Variants in ALDH4A1 observed in about 807,000 individuals in gnomAD.
ALDH4A1 encodes delta-1-pyrroline-5-carboxylate dehydrogenase, mitochondrial.
Under a neutral mutation model 70.5 loss-of-function variants are expected in ALDH4A1, and 46 were observed. The ratio of observed to expected loss-of-function variants is 0.65; its 90% CI spans 0.51 to 0.83. The LOEUF (loss-of-function observed/expected upper bound fraction) is 0.83. Ranked by LOEUF, ALDH4A1 falls within the 40% of genes least tolerant of loss-of-function variation. The pLI, the probability that ALDH4A1 is intolerant of heterozygous loss-of-function variation, is 0.00. For synonymous variants in ALDH4A1, 323 were observed against 324.3 expected, an observed-to-expected ratio of 1.00 and a Z score of 0.04; for missense variants, 749 against 766.5, an observed-to-expected ratio of 0.98 and a Z score of 0.27.
Position 18,883,298 on chromosome 1 carries a change from G to A in ALDH4A1, c.584C>T (p.Thr195Met), listed in dbSNP as rs72936434. ...AGGTACCTCCAGACCCCGGTACACC[G>A]TGCTGTTGGTGCTCGGGGGCACGCT... is the stretch of plus-strand genomic sequence containing the variant. ...PISVPPSTNS[T>M]VYRGLEGFVA... The change falls in exon 6 of 15, where the codon ACG becomes ATG. Residue 195 changes from threonine (T) to methionine (M), a missense_variant. By Grantham distance (81) the Thr-to-Met change is moderately conservative. Transcript: ENST00000375341. 1.7e-3 allele frequency: 2,820 copies of A among 1,613,258 alleles called. 41 individuals are homozygous for A. In the African/African-American group the frequency reaches 0.032, roughly 18 times the overall value.
chr1:18,877,668 A>C (rs1343870647), intron 9 of ALDH4A1, 56 bp from the exon 10 acceptor site: 6 of 1,441,270 alleles, frequency 4.2e-6, no homozygotes, highest in Non-Finnish European at 5.8e-6. Flanking sequence ...CCGGTTGCCC[A>C]GGGGCCCAAA....
At chr1:18,897,061 G>A (rs769660042) in intron 1 of ALDH4A1, 13 of 534,248 alleles carry the variant, frequency 2.4e-5, no homozygotes, top group Middle Eastern at 3.2e-4. Flanking sequence ...TATGAGGAAC[G>A]CATGACAAGT....
chr1:18,879,877 G>C (rs144338359), intron 8 of ALDH4A1, among the ~76,000 whole-genome samples: 2 of 152,148 alleles, frequency 1.3e-5, no homozygotes, highest in African/African-American at 4.8e-5. Flanking sequence ...GGCCCCGCCC[G>C]AAGCCACCAC....
At chr1:18,875,714 C>T (rs28434041) in intron 12 of ALDH4A1, among the ~76,000 whole-genome samples, 11,125 of 152,250 alleles carry the variant, frequency 0.073, 887 homozygotes, top group African/African-American at 0.2. Context: ...CATCCCACCA[C>T]AAGCCGGCAA....
chr1:18,883,535 G>A (rs1935074900), intron 5 of ALDH4A1, 107 bp from the exon 6 acceptor site: 7 of 1,501,314 alleles, frequency 4.7e-6, no homozygotes, highest in Admixed American at 1.9e-5. Flanking sequence ...GGCCCCAGGA[G>A]GGACCAGGAA....
At chr1:18,894,166 C>T (rs567873762) in intron 1 of ALDH4A1, among the ~76,000 whole-genome samples, 4 of 152,286 alleles carry the variant, frequency 2.6e-5, no homozygotes, top group African/African-American at 7.2e-5. Flanking sequence ...CAGATGCCCC[C>T]AAAAATCACA....
chr1:18,882,078 CCA>C (rs1934998313), intron 7 of ALDH4A1, among the ~76,000 whole-genome samples, 191 bp from the exon 8 acceptor site: 1 of 152,186 alleles, frequency 6.6e-6, no homozygotes, highest in Non-Finnish European at 1.5e-5. Context: ...GCCAAGGAGG[CCA>C]CGGCACAGCC....
At chr1:18,891,232 T>C (rs1935420147) in intron 1 of ALDH4A1, among the ~76,000 whole-genome samples, 1 of 152,160 alleles carries the variant, frequency 6.6e-6, no homozygotes, top group African/African-American at 2.4e-5. Context: ...AGAATGATGA[T>C]GACAAAGTCA....
intron 2 of ALDH4A1, 23 bp downstream of exon 2, chr1:18,889,989 G>A (rs1467701213): frequency 1.3e-6 from 2 of 1,567,190 alleles, no homozygotes; most frequent in Non-Finnish European, 1.7e-6. Context: ...GCACCTCTCG[G>A]GTGCCTCCCA....
chr1:18,885,427 T>TGCCCCCCCC, intron 5 of ALDH4A1, 46 bp downstream of exon 5: 6 of 650,922 alleles, frequency 9.2e-6, no homozygotes, highest in Non-Finnish European at 1.4e-5. Context: ...CACACCTGAC[T>TGCCCCCCCC]CCCACCCCAC....
intron 7 of ALDH4A1, among the ~76,000 whole-genome samples, chr1:18,882,378 C>T (rs1935012730): frequency 6.6e-6 from 1 of 152,152 alleles, no homozygotes; most frequent in Admixed American, 6.5e-5. Flanking sequence ...ATCCAGTGCC[C>T]CTGTCTGGGG....
chr1:18,874,639 T>A, intron 13 of ALDH4A1, 58 bp from the exon 14 acceptor site: 1 of 1,558,484 alleles, frequency 6.4e-7, no homozygotes, highest in South Asian at 1.1e-5. Context: ...CAGCCCCAGC[T>A]CCAGCCTCAA....
rs1033193785 is a variant in ALDH4A1 at position 18,886,504 on chromosome 1, T to G, written c.257A>C (p.Asn86Thr). ...SDVQYQVSPF[N>T]HGHKVAKFCY... ...GAACTTGGCCACCTTATGTCCATGGTTAAAAGGCTGAAAGGAGAGAAGAGT... is the reference window on the plus strand; with the variant it reads ...GAACTTGGCCACCTTATGTCCATGGGTAAAAGGCTGAAAGGAGAGAAGAGT... The change falls in exon 4 of 15, where the codon AAC (asparagine) becomes ACC (threonine). Residue 86 changes from asparagine to threonine, a missense_variant. By Grantham distance (65) the Asn-to-Thr change is moderately conservative. Coordinates refer to ENST00000375341, the MANE Select transcript of ALDH4A1 (RefSeq NM_003748.4). 1.9e-6 allele frequency: 3 copies of G among 1,613,840 alleles called. No homozygotes were observed. Among genetic ancestry groups the G allele is most frequent in the African/African-American group, 1.3e-5 (1 of 74,832 alleles).
intron 8 of ALDH4A1, 47 bp downstream of exon 8, chr1:18,881,653 T>TTGCCTGC: frequency 3.9e-6 from 2 of 518,934 alleles, no homozygotes; most frequent in East Asian, 6.6e-5. Flanking sequence ...GGTGAGCAGG[T>TTGCCTGC]GAACGTCCCC....
intron 14 of ALDH4A1, 61 bp downstream of exon 14, chr1:18,874,402 G>C (rs940889890): frequency 3.4e-6 from 5 of 1,491,944 alleles, no homozygotes; most frequent in East Asian, 2.3e-5. Flanking sequence ...CCCTCGAGAC[G>C]TAACATCTAG....
chr1:18,892,479 C>G (rs527493458), intron 1 of ALDH4A1, among the ~76,000 whole-genome samples: 1 of 151,808 alleles, frequency 6.6e-6, no homozygotes, highest in Admixed American at 6.6e-5. Flanking sequence ...CAGGGAAGGC[C>G]TCTCTGAGGA....
Position 18,875,383 on chromosome 1 carries a change from T to C in ALDH4A1, c.1459A>G (p.Lys487Glu). The C allele has an allele frequency of 6.2e-7, 1 of 1,614,110 alleles. No homozygotes were observed. Among genetic ancestry groups the C allele is most frequent in the East Asian group, 2.2e-5 (1 of 44,864 alleles). Residue 487 changes from lysine (K) to glutamate (E), a missense_variant and splice_region_variant, in exon 13 of 15, where the codon AAG becomes GAG. Physicochemically the swap from Lys to Glu is moderately conservative, Grantham distance 56. Coordinates refer to ENST00000375341, the MANE Select transcript of ALDH4A1 (RefSeq NM_003748.4). Reference protein sequence around the residue: ...GLTGAVFSQDKDVVQEATKVL... With the variant: ...GLTGAVFSQDEDVVQEATKVL... The stretch of plus-strand genomic sequence containing the variant: ...CAGGGCTGCGGCCTGGCCACTCACT[T>C]ATCCTGGGAGAACACTGCCCCCGTG...
intron 9 of ALDH4A1, 127 bp from the exon 10 acceptor site, chr1:18,877,739 C>T: frequency 2.5e-6 from 3 of 1,192,030 alleles, no homozygotes; most frequent in Admixed American, 2.2e-5. Context: ...CCAGAGCGGG[C>T]GGAGGCTCAG....
chr1:18,886,400 C>T, intron 4 of ALDH4A1, 64 bp downstream of exon 4: 3 of 1,553,254 alleles, frequency 1.9e-6, no homozygotes. Flanking sequence ...ATATCAGCAG[C>T]TGGCAGGGCA....
Sources: allele counts gnomAD v4.1 joint callset (sites outside exome capture counted in the v4.1 genomes callset), GRCh38; gene constraint gnomAD v4.1.1; transcripts MANE v1.5; gene names NCBI Gene and HGNC (gene_info 2026-07-23, HGNC 2026-07-21).